Variants in ADGRE2 observed in about 807,000 individuals in gnomAD.
ADGRE2 encodes CD97 antigen.
ADGRE2 carries 83 observed loss-of-function variants against 100.8 expected under a neutral mutation model. The observed-to-expected ratio is 0.82, with a 90% CI of 0.69 to 0.99. The LOEUF (loss-of-function observed/expected upper bound fraction) is 0.99, where lower values mean the gene tolerates loss of function less well. ADGRE2 is among the 50% of genes least tolerant of loss of function. The probability of loss-of-function intolerance (pLI) is 0.00; values close to 1 mark genes in which losing one functional copy is unlikely to be tolerated. For synonymous variants in ADGRE2, 355 were observed against 413.0 expected (o/e 0.86, Z 1.70); for missense variants, 814 against 1,035.7 (o/e 0.79, Z 2.94).
intron 2 of ADGRE2, 82 bp downstream of exon 2, chr19:14,776,644 G>T (rs1296185008): frequency 1.4e-6 from 2 of 1,471,026 alleles, no homozygotes; most frequent in East Asian, 4.9e-5. Context: ...CACCAGCGGC[G>T]CCTCCCGTTT....
rs201459014 is a variant in ADGRE2, at chr19:14,772,502, A to G, written c.200-5T>C. On this transcript the variant is annotated splice_polypyrimidine_tract_variant and splice_region_variant and intron_variant, in intron 4 of 20. Coordinates refer to ENST00000315576, the MANE Select transcript of ADGRE2 (RefSeq NM_013447.4). ...GTGTTGCACACTCGTTGATGTCTGG[A>G]ACACAACAGGACAGGAGGTCATCTC... is the stretch of plus-strand genomic sequence containing the variant. The G allele has an allele frequency of 7.4e-5, 120 of 1,613,658 alleles. No individual in the cohort carries two copies. The Middle Eastern group carries it at 9.9e-4, about 13-fold the overall frequency.
chr19:14,762,987 T>C (rs2043783384), intron 11 of ADGRE2, among the ~76,000 whole-genome samples: 1 of 152,148 alleles, frequency 6.6e-6, no homozygotes, highest in Admixed American at 6.5e-5. Context: ...GTGAACTTGA[T>C]GTTATGTGAA....
chr19:14,769,908 C>T (rs1056473223), intron 5 of ADGRE2, among the ~76,000 whole-genome samples: 1 of 152,102 alleles, frequency 6.6e-6, no homozygotes, highest in Non-Finnish European at 1.5e-5. Flanking sequence ...CCATGTTAGC[C>T]AGGATGGTCT....
chr19:14,758,061 T>C (rs2043564342), intron 11 of ADGRE2, among the ~76,000 whole-genome samples: 1 of 152,240 alleles, frequency 6.6e-6, no homozygotes. Context: ...TCCGCCCACA[T>C]TGGCCTTCCA....
At chr19:14,743,877 T>G in intron 18 of ADGRE2, 93 bp from the exon 19 acceptor site, 1 of 1,139,146 alleles carries the variant, frequency 8.8e-7, no homozygotes, top group Non-Finnish European at 1.3e-6. Flanking sequence ...TGCCCTCCCC[T>G]GTAGATGATT....
At chr19:14,740,906 T>C (rs1342611731) in intron 20 of ADGRE2, among the ~76,000 whole-genome samples, 2 of 151,408 alleles carry the variant, frequency 1.3e-5, no homozygotes, top group African/African-American at 4.8e-5. Flanking sequence ...CCAGCTAGTT[T>C]TTATATTTTG....
rs563655526 is a variant in ADGRE2 at position 14,766,361 on chromosome 19, C to T, written c.508G>A (p.Gly170Arg). Residue 170 changes from glycine to arginine, a missense_variant, in exon 7 of 21, where the codon GGA (glycine) becomes AGA (arginine). Around this residue, in one of 5 missense-constraint regions of ADGRE2, gnomAD observed 69 missense variants for 75.3 expected, o/e 0.92. Coordinates refer to ENST00000315576, the MANE Select transcript of ADGRE2 (RefSeq NM_013447.4). ...LCTDVNECTS[G>R]QNPCHSSTHC... is the part of the protein sequence containing the mutation. ...GTGGAGCTGTGGCATGGGTTTTGTC[C>T]GGAGGTGCATTCATTCACATCTGAG... The T allele has an allele frequency of 1.9e-5, 31 of 1,613,888 alleles. 1 individual carries two copies. The highest frequency in any genetic ancestry group is 1.8e-4 in the South Asian group (16 of 91,060).
At chr19:14,750,280 TTATC>T (rs1431571830) in intron 16 of ADGRE2, among the ~76,000 whole-genome samples, 3 of 148,586 alleles carry the variant, frequency 2.0e-5, no homozygotes, top group Admixed American at 6.8e-5. Context: ...AATTATATGA[TTATC>T]TAATTATGTG....
At chr19:14,744,557 T>C (rs993675165) in intron 18 of ADGRE2, among the ~76,000 whole-genome samples, 27 of 149,934 alleles carry the variant, frequency 1.8e-4, no homozygotes, top group Non-Finnish European at 2.8e-4. Context: ...CCAGGTGAAG[T>C]GACTCTCCCA....
At chr19:14,755,279 AAAAAAAAAAAAAAAAAT>A in intron 13 of ADGRE2, 152 bp from the exon 14 acceptor site, 3 of 595,158 alleles carry the variant, frequency 5.0e-6, no homozygotes, top group Non-Finnish European at 7.9e-6. Flanking sequence ...ACTAAAAAAA[AAAAAAAAAAAAAAAAAT>A]ACAAAAATTA....
intron 16 of ADGRE2, among the ~76,000 whole-genome samples, chr19:14,750,934 C>T (rs1194549459): frequency 6.6e-6 from 1 of 152,162 alleles, no homozygotes; most frequent in African/African-American, 2.4e-5. Context: ...CCACCTCAGC[C>T]TCCTGAGTAG....
the ADGRE2 span, among the ~76,000 whole-genome samples, chr19:14,726,239 T>C: frequency 1.3e-5 from 2 of 152,232 alleles, no homozygotes; most frequent in Non-Finnish European, 2.9e-5. Flanking sequence ...GTCCAAAGGC[T>C]GCACAGGGCA....
chr19:14,762,286 A>G (rs1441999993), intron 11 of ADGRE2, among the ~76,000 whole-genome samples: 6 of 152,216 alleles, frequency 3.9e-5, no homozygotes, highest in Non-Finnish European at 8.8e-5. Flanking sequence ...TATTCATACA[A>G]TAGAATAGTA....
downstream of ADGRE2, among the ~76,000 whole-genome samples, chr19:14,727,987 C>T (rs968071216): frequency 6.6e-6 from 1 of 152,202 alleles, no homozygotes; most frequent in African/African-American, 2.4e-5. Context: ...CTTTGGGAGG[C>T]TGAGACAGGT....
intron 14 of ADGRE2, among the ~76,000 whole-genome samples, chr19:14,753,583 A>G (rs1350437889): frequency 6.6e-6 from 1 of 151,880 alleles, no homozygotes; most frequent in African/African-American, 2.4e-5. Flanking sequence ...TACTTGAGGT[A>G]AGGAGTTCGA....
chr19:14,764,772 A>T (rs2043889776), intron 10 of ADGRE2, among the ~76,000 whole-genome samples, 162 bp from the exon 11 acceptor site: 1 of 152,162 alleles, frequency 6.6e-6, no homozygotes, highest in African/African-American at 2.4e-5. Flanking sequence ...TAATTCCAGC[A>T]CTTTGGGAGG....
Position 14,762,801 on chromosome 19 carries a change from G to A in ADGRE2, c.1084+1632C>T, listed in dbSNP as rs113766228. Among the ~76,000 whole-genome samples, 368 of 151,782 alleles carry A rather than the reference G, an allele frequency of 2.4e-3. 2 individuals are homozygous for A. Among genetic ancestry groups the A allele is most frequent in the African/African-American group, 8.2e-3 (338 of 41,372 alleles). On this transcript the variant is annotated intron_variant, in intron 11 of 20. Coordinates refer to ENST00000315576, the MANE Select transcript of ADGRE2 (RefSeq NM_013447.4). ...TAGGATTACAGGTGTGCACCACCAC[G>A]CCTGTCTAATTTTTGTATTTTCAGT...
intron 20 of ADGRE2, 101 bp downstream of exon 20, chr19:14,743,319 A>T: frequency 1.1e-6 from 1 of 885,282 alleles, no homozygotes; most frequent in Non-Finnish European, 1.9e-6. Context: ...GAGCCTTTCT[A>T]GGGCATTGCC....
intron 5 of ADGRE2, among the ~76,000 whole-genome samples, chr19:14,767,404 A>G (rs2044031025): frequency 6.6e-6 from 1 of 151,824 alleles, no homozygotes; most frequent in African/African-American, 2.4e-5. Flanking sequence ...ATGCCCGGCT[A>G]ATTTTTTGTA....
Sources: gnomAD v4.1 joint callset for allele counts (sites outside exome capture counted in the v4.1 genomes callset) on GRCh38, gnomAD v4.1.1 for gene constraint, gnomAD v4.1.1 regional missense constraint, MANE v1.5 for transcripts, NCBI Gene and HGNC (gene_info 2026-07-23, HGNC 2026-07-21) for gene names.